The following CCBE1 variants were observed in gnomAD, a reference collection of about 807,000 sequenced individuals.
CCBE1 encodes the protein collagen and calcium-binding EGF domain-containing protein 1.
A neutral mutation model predicts 50.0 loss-of-function variants in CCBE1; 37 were observed. The ratio of observed to expected loss-of-function variants is 0.74; its 90% confidence interval spans 0.57 to 0.97. The LOEUF (loss-of-function observed/expected upper bound fraction) is 0.97, where lower values mean the gene tolerates loss of function less well. Among genes scored for constraint, CCBE1 ranks in the 50% least tolerant of loss-of-function variants. The pLI, the probability that CCBE1 is intolerant of heterozygous loss-of-function variation, is 0.00. For synonymous variants in CCBE1, 234 were observed against 203.7 expected, an observed-to-expected ratio of 1.15 and a Z score of -1.27; for missense variants, 538 against 523.8, an observed-to-expected ratio of 1.03 and a Z score of -0.26.
At chr18:59,530,584 A>G (rs999853885) in intron 2 of CCBE1, among the ~76,000 whole-genome samples, 74 of 152,134 alleles carry the variant, frequency 4.9e-4, no homozygotes, top group African/African-American at 1.8e-3. Flanking sequence ...CCTCCTGTAC[A>G]CTGATAAGAT....
At chr18:59,462,339 A>C (rs1379806572) in intron 5 of CCBE1, 1 of 152,296 alleles carries the variant, frequency 6.6e-6, no homozygotes, top group East Asian at 1.9e-4. Flanking sequence ...GATATTTTCT[A>C]AACTGTTCTT....
At chr18:59,554,645 C>A (rs1165085003) in intron 2 of CCBE1, among the ~76,000 whole-genome samples, 2 of 152,228 alleles carry the variant, frequency 1.3e-5, no homozygotes, top group African/African-American at 2.4e-5. Context: ...CAGGCCAACA[C>A]TGGCTAACTC....
At chr18:59,679,715 C>T (rs975372485) in intron 2 of CCBE1, among the ~76,000 whole-genome samples, 2 of 152,154 alleles carry the variant, frequency 1.3e-5, no homozygotes, top group African/African-American at 4.8e-5. Flanking sequence ...GTTTATTTTG[C>T]TAAGGTTGAG....
chr18:59,566,569 T>C (rs2052831587), intron 2 of CCBE1, among the ~76,000 whole-genome samples: 2 of 152,194 alleles, frequency 1.3e-5, no homozygotes, highest in South Asian at 4.1e-4. Context: ...AAGGCACTGA[T>C]AAAGTAGGAA....
chr18:59,510,559 T>A (rs748711743), intron 2 of CCBE1, among the ~76,000 whole-genome samples: 8 of 152,008 alleles, frequency 5.3e-5, no homozygotes, highest in African/African-American at 9.7e-5. Flanking sequence ...GTAGCTGGGA[T>A]TATAGGTGCC....
At chr18:59,619,958 G>A (rs939243688) in intron 2 of CCBE1, among the ~76,000 whole-genome samples, 9 of 152,176 alleles carry the variant, frequency 5.9e-5, no homozygotes, top group Admixed American at 3.3e-4. Context: ...GGAATTCACG[G>A]CAGAAAGCTG....
In CCBE1 at chr18:59,436,063, C is replaced by T. The variant is rs752839928; in HGVS notation, c.1066G>A (p.Val356Met). 12 of 1,614,062 alleles carry T rather than the reference C, an allele frequency of 7.4e-6. No homozygotes were observed. Among genetic ancestry groups the T allele is most frequent in the Non-Finnish European group, 1.0e-5 (12 of 1,180,052 alleles). Residue 356 changes from valine (V) to methionine (M), a missense_variant, in exon 11 of 11, where the codon GTG (valine) becomes ATG (methionine). Physicochemically the swap from Val to Met is conservative, Grantham distance 21 (BLOSUM62 1). Coordinates refer to ENST00000439986, the MANE Select transcript of CCBE1 (RefSeq NM_133459.4). ...GAAGAGTGAGTCCGGTGCCCGAACACCTTTTCCTGCAGCTCAGTGATGTCA... is the reference window on the plus strand; with the variant it reads ...GAAGAGTGAGTCCGGTGCCCGAACATCTTTTCCTGCAGCTCAGTGATGTCA... Reference protein sequence around the residue: ...RNDITELQEKVFGHRTHSSAE... With the variant: ...RNDITELQEKMFGHRTHSSAE...
intron 2 of CCBE1, among the ~76,000 whole-genome samples, chr18:59,659,129 G>A (rs900561210): frequency 2.0e-5 from 3 of 152,056 alleles, no homozygotes; most frequent in Admixed American, 1.3e-4. Flanking sequence ...AAGTTGCTGG[G>A]GGTCATGAAA....
At chr18:59,691,375 C>T (rs1343758058) in intron 2 of CCBE1, among the ~76,000 whole-genome samples, 1 of 149,858 alleles carries the variant, frequency 6.7e-6, no homozygotes, top group Non-Finnish European at 1.5e-5. Flanking sequence ...CTCCAACTAG[C>T]CCCTGCTCTC....
intron 6 of CCBE1, among the ~76,000 whole-genome samples, chr18:59,449,823 G>A (rs781107699): frequency 4.6e-5 from 7 of 152,122 alleles, no homozygotes; most frequent in Non-Finnish European, 7.4e-5. Flanking sequence ...CTCCAGAGAT[G>A]CTCCCCTATT....
At position 59,491,963 on chromosome 18, in the gene CCBE1, C is replaced by T. The variant is rs185161097; in HGVS notation, c.213-11725G>A. Reference sequence around the variant, plus strand: ...GAGTTCGAGACCAGCCTGGGCAACACGGTGAAACCCTGTCTCTACTAAAAT... The same window carrying T: ...GAGTTCGAGACCAGCCTGGGCAACATGGTGAAACCCTGTCTCTACTAAAAT... On this transcript the variant is annotated intron_variant, in intron 2 of 10. Transcript: ENST00000439986. 2.9e-3 allele frequency among the ~76,000 whole-genome samples: 440 copies of T among 150,936 alleles called. 2 individuals carry two copies. The highest frequency in any genetic ancestry group is 5.0e-3 in the Admixed American group (76 of 15,184).
At chr18:59,577,423 A>T (rs1330209635) in intron 2 of CCBE1, among the ~76,000 whole-genome samples, 1 of 152,188 alleles carries the variant, frequency 6.6e-6, no homozygotes, top group African/African-American at 2.4e-5. Flanking sequence ...GGACTAGCTT[A>T]AGCTGCCCCT....
chr18:59,583,129 T>G (rs542223631), intron 2 of CCBE1, among the ~76,000 whole-genome samples: 11 of 152,336 alleles, frequency 7.2e-5, no homozygotes, highest in African/African-American at 2.6e-4. Context: ...GGTAACCATT[T>G]TTTAAGGCTA....
At chr18:59,443,469 C>CTTT (rs11337100) in intron 7 of CCBE1, among the ~76,000 whole-genome samples, 2 of 144,828 alleles carry the variant, frequency 1.4e-5, no homozygotes, top group Non-Finnish European at 3.0e-5. Context: ...AATTTGCCAA[C>CTTT]TTTTTTTTTT....
At chr18:59,543,278 C>T (rs1487025303) in intron 2 of CCBE1, among the ~76,000 whole-genome samples, 1 of 152,186 alleles carries the variant, frequency 6.6e-6, no homozygotes, top group Non-Finnish European at 1.5e-5. Context: ...GCTAACGAAT[C>T]TAGAATTCTG....
intron 2 of CCBE1, among the ~76,000 whole-genome samples, chr18:59,485,281 G>T (rs569860015): frequency 1.3e-5 from 2 of 152,110 alleles, no homozygotes; most frequent in Non-Finnish European, 2.9e-5. Flanking sequence ...AATAAAAGTC[G>T]TGCAGGCAGA....
rs780478712 is a variant in CCBE1 at position 59,451,137 on chromosome 18, G to T, written c.655-3034C>A. ...GGCAGAATCCTCTCCGTAGTGTTTT[G>T]TATTTCCCCATTTCCCAGCCCACAG... On this transcript the variant is annotated intron_variant, in intron 6 of 10. Coordinates refer to ENST00000439986, the MANE Select transcript of CCBE1 (RefSeq NM_133459.4). Among the ~76,000 whole-genome samples, 5 of 152,112 alleles carry T rather than the reference G, an allele frequency of 3.3e-5. 1 individual carries two copies. The highest frequency in any genetic ancestry group is 6.6e-5 in the Admixed American group (1 of 15,266).
chr18:59,507,165 T>A (rs551715915), intron 2 of CCBE1, among the ~76,000 whole-genome samples: 1 of 152,298 alleles, frequency 6.6e-6, no homozygotes, highest in Admixed American at 6.5e-5. Flanking sequence ...CCATATCTTC[T>A]TTCCAAAACC....
chr18:59,531,756 T>C lies in CCBE1; in HGVS notation c.213-51518A>G, dbSNP rs555810478. Among the ~76,000 whole-genome samples, 6 of 152,106 alleles carry C rather than the reference T, an allele frequency of 3.9e-5. No individual in the cohort carries two copies. In the South Asian group the frequency reaches 8.3e-4, roughly 21 times the overall value. ...AACCCTGTCTCAAAAACAAAACATA[T>C]ACACATATGCTCCTGCAAGCCTACA... On this transcript the variant is annotated intron_variant, in intron 2 of 10. Coordinates refer to ENST00000439986, the MANE Select transcript of CCBE1 (RefSeq NM_133459.4).
Sources: gnomAD v4.1 joint callset for allele counts (sites outside exome capture counted in the v4.1 genomes callset) on GRCh38, gnomAD v4.1.1 for gene constraint, MANE v1.5 for transcripts, NCBI Gene and HGNC (gene_info 2026-07-23, HGNC 2026-07-21) for gene names.